PCDHGB1: variants seen among roughly 807,000 people sequenced by gnomAD.
PCDHGB1 encodes the protein protocadherin gamma subfamily B, 1.
PCDHGB1 carries 34 observed loss-of-function variants against 56.6 expected under a neutral mutation model. The ratio of observed to expected loss-of-function variants is 0.60; its 90% CI spans 0.46 to 0.80. PCDHGB1 has a LOEUF of 0.80. PCDHGB1 is among the 30% of genes least tolerant of loss of function. PCDHGB1 has a pLI of 0.00. For missense variants in PCDHGB1, 1,278 were observed against 1,204.6 expected (o/e 1.06, Z -0.90); for synonymous variants, 561 against 505.9 (o/e 1.11, Z -1.46).
intron 1 of PCDHGB1, chr5:141,357,188 C>T: frequency 6.2e-7 from 1 of 1,613,782 alleles, no homozygotes; most frequent in South Asian, 1.1e-5. Flanking sequence ...CTCACTGTGG[C>T]TGTGGCCGAC....
chr5:141,416,650 A>G (rs935670434), intron 1 of PCDHGB1: 2 of 152,238 alleles, frequency 1.3e-5, no homozygotes, highest in Admixed American at 6.5e-5. Context: ...CCACAGCTGT[A>G]AAAAAGAAAA....
At chr5:141,430,713 T>G in intron 1 of PCDHGB1, 1 of 1,481,944 alleles carries the variant, frequency 6.7e-7, no homozygotes, top group Non-Finnish European at 9.0e-7. Context: ...GCTCCTGACT[T>G]CAGTGGTTAA....
chr5:141,359,782 C>A (rs1040736490), intron 1 of PCDHGB1, among the ~76,000 whole-genome samples: 1 of 152,116 alleles, frequency 6.6e-6, no homozygotes, highest in Non-Finnish European at 1.5e-5. Context: ...AGAACCTATG[C>A]TGAATGCATC....
intron 1 of PCDHGB1, chr5:141,478,905 G>T (rs1593970684): frequency 1.1e-6 from 1 of 930,214 alleles, no homozygotes; most frequent in East Asian, 2.7e-5. Flanking sequence ...GGAATAAGCT[G>T]CTGGATACCT....
intron 1 of PCDHGB1, among the ~76,000 whole-genome samples, chr5:141,448,169 A>C (rs1418273084): frequency 6.6e-6 from 1 of 152,014 alleles, no homozygotes; most frequent in Non-Finnish European, 1.5e-5. Flanking sequence ...GATCACTACT[A>C]TTCATCCCTG....
intron 1 of PCDHGB1, among the ~76,000 whole-genome samples, chr5:141,468,952 G>GT (rs34870721): frequency 0.24 from 35,946 of 151,248 alleles, 4,442 homozygotes; most frequent in Admixed American, 0.32. Flanking sequence ...TAAACCTGTG[G>GT]TTTTTTTTAC....
intron 1 of PCDHGB1, chr5:141,408,522 A>C: frequency 1.2e-6 from 2 of 1,614,026 alleles, no homozygotes; most frequent in Non-Finnish European, 1.7e-6. Flanking sequence ...TTGCAATTGG[A>C]AGCTGTGGTG....
At chr5:141,506,432 C>A (rs2099853359) in intron 3 of PCDHGB1, among the ~76,000 whole-genome samples, 1 of 132,482 alleles carries the variant, frequency 7.5e-6, no homozygotes, top group Non-Finnish European at 1.6e-5. Context: ...GGGCAACAGT[C>A]TCGCTCTGTC....
intron 1 of PCDHGB1, chr5:141,357,866 TA>T (rs2149798839): frequency 1.7e-6 from 1 of 577,984 alleles, no homozygotes; most frequent in East Asian, 3.2e-5. Context: ...TTTCTAATTT[TA>T]CAACTCTGAG....
chr5:141,421,433 C>T, intron 1 of PCDHGB1: 1 of 1,614,074 alleles, frequency 6.2e-7, no homozygotes, highest in African/African-American at 1.3e-5. Flanking sequence ...CGCATCGTCT[C>T]CAGAGGGAAG....
intron 1 of PCDHGB1, chr5:141,410,478 C>G (rs767257836): frequency 6.2e-7 from 1 of 1,613,992 alleles, no homozygotes; most frequent in Non-Finnish European, 8.5e-7. Context: ...ATTGCACATA[C>G]GGGTACAAAA....
chr5:141,499,731 C>T (rs2099794093), intron 2 of PCDHGB1, among the ~76,000 whole-genome samples: 1 of 138,132 alleles, frequency 7.2e-6, no homozygotes, highest in African/African-American at 2.7e-5. Context: ...GTCTCACTCT[C>T]TTGCCCAGGC....
At chr5:141,413,357 G>A (rs2095629700) in intron 1 of PCDHGB1, 2 of 1,613,874 alleles carry the variant, frequency 1.2e-6, no homozygotes, top group South Asian at 1.1e-5. Flanking sequence ...CTGGCGCCCC[G>A]GGAGCTGGCG....
chr5:141,404,278 G>T (rs780738049), intron 1 of PCDHGB1: 7 of 1,613,962 alleles, frequency 4.3e-6, no homozygotes, highest in Admixed American at 3.3e-5. Flanking sequence ...CCCTGCAAGT[G>T]ACTGACATCA....
At chr5:141,366,636 T>C (rs374724936) in intron 1 of PCDHGB1, 12 of 1,614,240 alleles carry the variant, frequency 7.4e-6, no homozygotes, top group Non-Finnish European at 1.0e-5. Context: ...AGTCACCTGA[T>C]CTTTCCCCAG....
intron 1 of PCDHGB1, chr5:141,420,969 A>G (rs2096536141): frequency 2.3e-6 from 1 of 443,064 alleles, no homozygotes; most frequent in Admixed American, 4.0e-5. Flanking sequence ...TTGCAATAAT[A>G]AGAATGGGCT....
chr5:141,414,822 C>G, intron 1 of PCDHGB1: 3 of 1,614,240 alleles, frequency 1.9e-6, no homozygotes, highest in Non-Finnish European at 2.5e-6. Flanking sequence ...TCAGCAGCAA[C>G]GTGTCGTTGA....
chr5:141,356,977 G>A (rs1466660563), intron 1 of PCDHGB1: 1 of 1,614,238 alleles, frequency 6.2e-7, no homozygotes, highest in South Asian at 1.1e-5. Flanking sequence ...CAAAGTGGTG[G>A]CAGTGGACAG....
At chr5:141,368,708 A>G (rs933358136) in intron 1 of PCDHGB1, among the ~76,000 whole-genome samples, 1 of 152,210 alleles carries the variant, frequency 6.6e-6, no homozygotes, top group Admixed American at 6.5e-5. Context: ...CTTGATCCAT[A>G]CATTTTGAAT....
Sources: allele counts gnomAD v4.1 joint callset (sites outside exome capture counted in the v4.1 genomes callset), GRCh38; gene constraint gnomAD v4.1.1; transcripts MANE v1.5; gene names NCBI Gene and HGNC (gene_info 2026-07-23, HGNC 2026-07-21).